ERICH1: variants seen among roughly 807,000 people sequenced by gnomAD.
ERICH1 encodes the protein glutamate-rich protein 1.
ERICH1 carries 56 observed loss-of-function variants against 39.6 expected under a neutral mutation model. The observed-to-expected ratio is 1.41, with a 90% CI of 1.14 to 1.77. The LOEUF is 1.77. ERICH1 is among the 40% of genes most tolerant of loss of function. The pLI, the probability that ERICH1 is intolerant of heterozygous loss-of-function variation, is 0.00. For synonymous variants in ERICH1, 313 were observed against 223.6 expected, an observed-to-expected ratio of 1.40 and a Z score of -3.57; for missense variants, 826 against 575.4, an observed-to-expected ratio of 1.44 and a Z score of -4.45.
intron 3 of ERICH1, among the ~76,000 whole-genome samples, chr8:624,820 G>A (rs543102669): frequency 1.1e-4 from 17 of 151,990 alleles, no homozygotes; most frequent in African/African-American, 3.1e-4. Context: ...TCTGCCTCCC[G>A]GGTTCACGCC....
intron 1 of ERICH1, among the ~76,000 whole-genome samples, chr8:716,899 A>C (rs58923835): frequency 0.18 from 27,046 of 152,102 alleles, 3,103 homozygotes; most frequent in Non-Finnish European, 0.25. Context: ...ACTGTAGCTG[A>C]AGGCACAAAT....
At chr8:626,575 A>G (rs1797604142) in intron 3 of ERICH1, 1 of 158,078 alleles carries the variant, frequency 6.3e-6, no homozygotes, top group African/African-American at 2.4e-5. Context: ...TCAGAGACAC[A>G]GTTCCCTCCG....
intron 2 of ERICH1, 25 bp downstream of exon 2, chr8:715,836 C>G (rs761972395): frequency 6.3e-7 from 1 of 1,590,958 alleles, no homozygotes; most frequent in Non-Finnish European, 8.5e-7. Flanking sequence ...TTCTGAGACC[C>G]ACCCACATCT....
At chr8:726,673 G>A (rs1818774294) in intron 1 of ERICH1, among the ~76,000 whole-genome samples, 1 of 150,606 alleles carries the variant, frequency 6.6e-6, no homozygotes, top group Admixed American at 6.6e-5. Context: ...ACACAGACGT[G>A]TACACAGGCA....
At chr8:662,515 G>A (rs935539139), downstream of ERICH1, among the ~76,000 whole-genome samples, 3 of 152,090 alleles carry the variant, frequency 2.0e-5, no homozygotes, top group African/African-American at 4.8e-5. Context: ...ATGTGTGGTG[G>A]CATATGCCTG....
intron 3 of ERICH1, among the ~76,000 whole-genome samples, chr8:658,866 A>C (rs62486241): frequency 6.6e-6 from 1 of 152,154 alleles, no homozygotes; most frequent in East Asian, 1.9e-4. Context: ...CTCCTCCCCA[A>C]TTCCTCCCTG....
At chr8:679,137 C>T (rs1050142200) in intron 3 of ERICH1, among the ~76,000 whole-genome samples, 7 of 149,840 alleles carry the variant, frequency 4.7e-5, no homozygotes, top group Admixed American at 6.7e-5. Flanking sequence ...AGCTCTCACC[C>T]GTCAAAGCTC....
At chr8:664,930 A>G (rs1378084936) in intron 5 of ERICH1, among the ~76,000 whole-genome samples, 1 of 152,238 alleles carries the variant, frequency 6.6e-6, no homozygotes, top group Non-Finnish European at 1.5e-5. Flanking sequence ...CCCTTGGTTC[A>G]CTGGCTCTAT....
intron 3 of ERICH1, among the ~76,000 whole-genome samples, chr8:627,974 G>C (rs1270172765): frequency 2.6e-5 from 4 of 152,172 alleles, no homozygotes; most frequent in Non-Finnish European, 5.9e-5. Flanking sequence ...AGACCACAGT[G>C]CCGGACACTC....
rs115741563 is a variant in ERICH1, at chr8:724,066, C to T, written c.22+7074G>A. On this transcript the variant is annotated intron_variant, in intron 1 of 5. Transcript: ENST00000262109. ...AATATCAAAAAGAAAAAACAAAAAA[C>T]AAGTGCTCGACACCAAACCAGAAAT... Among the ~76,000 whole-genome samples, 696 of 152,264 alleles carry T rather than the reference C, an allele frequency of 4.6e-3. 2 individuals carry two copies. Among genetic ancestry groups the T allele is most frequent in the African/African-American group, 0.016 (650 of 41,552 alleles).
intron 3 of ERICH1, among the ~76,000 whole-genome samples, chr8:653,507 T>C (rs147063911): frequency 2.0e-5 from 3 of 152,084 alleles, no homozygotes; most frequent in Non-Finnish European, 4.4e-5. Flanking sequence ...GAGTTTTATA[T>C]ATCACTTCCC....
At chr8:694,189 C>G (rs549658576) in intron 2 of ERICH1, among the ~76,000 whole-genome samples, 1 of 152,292 alleles carries the variant, frequency 6.6e-6, no homozygotes, top group South Asian at 2.1e-4. Context: ...GTAGTCAACA[C>G]ACTTTGCTCT....
chr8:663,159 G>A (rs1334919960), downstream of ERICH1, among the ~76,000 whole-genome samples: 2 of 152,254 alleles, frequency 1.3e-5, no homozygotes, highest in Admixed American at 1.3e-4. Context: ...CCTGCTTCCA[G>A]AAGGTTCCAA....
chr8:636,705 C>T (rs1450317191), intron 3 of ERICH1, among the ~76,000 whole-genome samples: 4 of 152,242 alleles, frequency 2.6e-5, no homozygotes, highest in African/African-American at 9.6e-5. Context: ...CAGCCTCCGA[C>T]ACTGTGACCT....
downstream of ERICH1, among the ~76,000 whole-genome samples, chr8:663,991 CGTT>C (rs1554493598): frequency 3.3e-5 from 5 of 152,182 alleles, no homozygotes; most frequent in Non-Finnish European, 7.3e-5. Flanking sequence ...GATCTCCTGA[CGTT>C]GTGATCCGCC....
intron 1 of ERICH1, among the ~76,000 whole-genome samples, chr8:719,476 A>G (rs986937989): frequency 1.1e-4 from 16 of 152,188 alleles, no homozygotes; most frequent in African/African-American, 3.9e-4. Context: ...CTCTCAGCTG[A>G]CGCCCGCGGT....
chr8:642,064 C>T (rs978823101), intron 3 of ERICH1, among the ~76,000 whole-genome samples: 22 of 152,200 alleles, frequency 1.4e-4, no homozygotes, highest in African/African-American at 5.3e-4. Flanking sequence ...GTTCCTGACT[C>T]AAGGAGATCT....
chr8:731,141 G>A lies in ERICH1; in HGVS notation c.21C>T (p.His7=), dbSNP rs575451969. Residue 7 remains histidine (H), a splice_region_variant and synonymous_variant, in exon 1 of 6, where the codon CAC becomes CAT. Coordinates refer to ENST00000262109, the MANE Select transcript of ERICH1 (RefSeq NM_207332.3). MAAHRK[H]VFVEKVLQRL... ...GGCCTCCGCACCGCACCCACCTACC[G>A]TGCTTCCTGTGCGCCGCCATGCGGG... The A allele has an allele frequency of 9.2e-6, 14 of 1,521,050 alleles. No homozygotes were observed. Among genetic ancestry groups the A allele is most frequent in the African/African-American group, 4.2e-5 (3 of 70,634 alleles). The allele number at this position is 1,521,050 out of a possible 1,614,324, so 94.2% of individuals were successfully genotyped here.
intron 5 of ERICH1, chr8:667,838 C>T (rs765567094): frequency 6.5e-6 from 1 of 152,724 alleles, no homozygotes. Flanking sequence ...CCGACACTTA[C>T]TCTGAAACTC....
Sources: gnomAD v4.1 joint callset for allele counts (sites outside exome capture counted in the v4.1 genomes callset) on GRCh38, gnomAD v4.1.1 for gene constraint, MANE v1.5 for transcripts, NCBI Gene and HGNC (gene_info 2026-07-23, HGNC 2026-07-21) for gene names.